STK17A: variants seen among roughly 807,000 people sequenced by gnomAD.
The protein encoded by STK17A is serine/threonine kinase 17a.
STK17A carries 26 observed loss-of-function variants against 43.7 expected under a neutral mutation model. That is an observed-to-expected ratio of 0.60 (90% confidence interval 0.44 to 0.83). The LOEUF (loss-of-function observed/expected upper bound fraction) is 0.83. Among genes scored for constraint, STK17A ranks in the 40% least tolerant of loss-of-function variants. The pLI is 0.00. For missense variants in STK17A, 476 were observed against 511.6 expected, an observed-to-expected ratio of 0.93 and a Z score of 0.67; for synonymous variants, 191 against 182.5, an observed-to-expected ratio of 1.05 and a Z score of -0.38.
chr7:43,623,490 A>C, intron 4 of STK17A, 82 bp from the exon 5 acceptor site: 1 of 1,178,996 alleles, frequency 8.5e-7, no homozygotes, highest in Non-Finnish European at 1.2e-6. Context: ...TATAGTTTCT[A>C]ATGCTTAGTT....
At chr7:43,585,847 A>C (rs1486884702) in intron 1 of STK17A, among the ~76,000 whole-genome samples, 1 of 151,616 alleles carries the variant, frequency 6.6e-6, no homozygotes, top group Non-Finnish European at 1.5e-5. Context: ...TATTATTTTA[A>C]ATGTAACCCA....
At chr7:43,606,514 G>A (rs911483845) in intron 2 of STK17A, among the ~76,000 whole-genome samples, 4 of 152,126 alleles carry the variant, frequency 2.6e-5, no homozygotes, top group Non-Finnish European at 5.9e-5. Flanking sequence ...TTCTGTAAAA[G>A]TAGTTTTTGT....
intron 2 of STK17A, among the ~76,000 whole-genome samples, chr7:43,598,975 G>A (rs550751687): frequency 1.3e-5 from 2 of 152,184 alleles, no homozygotes; most frequent in East Asian, 1.9e-4. Flanking sequence ...ATGTTGGCCA[G>A]GCTGGTTTCG....
chr7:43,623,361 A>G (rs543366099), intron 4 of STK17A: 6 of 527,900 alleles, frequency 1.1e-5, no homozygotes, highest in South Asian at 1.0e-4. Flanking sequence ...GGACTCAACA[A>G]TGGTGGGTAG....
chr7:43,598,400 G>A (rs1426550426), intron 2 of STK17A, among the ~76,000 whole-genome samples: 1 of 151,366 alleles, frequency 6.6e-6, no homozygotes, highest in African/African-American at 2.4e-5. Context: ...AACCTGGGAG[G>A]TGGAGCTTGC....
rs945496223 is a variant in STK17A at position 43,618,351 on chromosome 7, G to A, written c.565-1246G>A. The stretch of plus-strand genomic sequence containing the variant: ...GGCAGAAAAGGGGAGAGGGCGTCCT[G>A]AACAAAGGCAGTACGTGTGTAAAGG... On this transcript the variant is annotated intron_variant, in intron 3 of 6. Coordinates refer to ENST00000319357, the MANE Select transcript of STK17A (RefSeq NM_004760.3). 3.9e-5 allele frequency among the ~76,000 whole-genome samples: 6 copies of A among 152,290 alleles called. No individual in the cohort carries two copies. The East Asian group carries it at 1.2e-3, about 29-fold the overall frequency.
In STK17A at chr7:43,624,515, C is replaced by T. The variant is rs919671664; in HGVS notation, c.921-3C>T. ...CTTAACTGTAAAACATGTATCTTTA[C>T]AGAGATCGAGCCACTGCTGAAGAAT... On this transcript the variant is annotated splice_region_variant and splice_polypyrimidine_tract_variant and intron_variant, in intron 6 of 6. Coordinates refer to ENST00000319357, the MANE Select transcript of STK17A (RefSeq NM_004760.3). 1 of 1,606,702 alleles carries T rather than the reference C, an allele frequency of 6.2e-7. No individual in the cohort carries two copies. Among genetic ancestry groups the T allele is most frequent in the Non-Finnish European group, 8.5e-7 (1 of 1,176,612 alleles).
At chr7:43,595,444 A>C (rs1358787716) in intron 1 of STK17A, among the ~76,000 whole-genome samples, 1 of 151,844 alleles carries the variant, frequency 6.6e-6, no homozygotes, top group East Asian at 1.9e-4. Context: ...ACACCTGGCT[A>C]ATTTTTGTAT....
At chr7:43,611,715 G>A (rs2082896484) in intron 3 of STK17A, among the ~76,000 whole-genome samples, 1 of 152,116 alleles carries the variant, frequency 6.6e-6, no homozygotes, top group African/African-American at 2.4e-5. Context: ...CAAAATAAAT[G>A]TTTATGCTGT....
intron 3 of STK17A, among the ~76,000 whole-genome samples, chr7:43,613,688 A>T (rs377445686): frequency 1.2e-4 from 18 of 152,094 alleles, no homozygotes; most frequent in African/African-American, 3.1e-4. Flanking sequence ...ACAAAAAATT[A>T]AAAAAATCAG....
intron 3 of STK17A, among the ~76,000 whole-genome samples, chr7:43,617,549 T>C (rs973941001): frequency 2.6e-5 from 4 of 152,078 alleles, no homozygotes; most frequent in Non-Finnish European, 5.9e-5. Context: ...GGGATGATCA[T>C]AGCATTCACT....
rs751758775 is a variant in STK17A, at chr7:43,624,782, C to T, written c.1185C>T (p.Ser395=). 1 of 1,611,870 alleles carries T rather than the reference C, an allele frequency of 6.2e-7. No homozygotes were observed. The highest frequency in any genetic ancestry group is 8.5e-7 in the Non-Finnish European group (1 of 1,178,862). Residue 395 remains serine (S), a synonymous_variant, in exon 7 of 7, where the codon TCC becomes TCT. Transcript: ENST00000319357. The part of the protein sequence containing the change: ...EKEKMEQKAI[S]KRFKFEEPLL... ...AGAAAATGGAGCAAAAGGCCATTTC[C>T]AAACGATTTAAATTTGAGGAACCTT...
At chr7:43,614,295 C>G (rs1468616175) in intron 3 of STK17A, among the ~76,000 whole-genome samples, 3 of 152,144 alleles carry the variant, frequency 2.0e-5, no homozygotes, top group Non-Finnish European at 4.4e-5. Flanking sequence ...CTGCCTATTC[C>G]ACTGTTATCA....
chr7:43,610,763 T>C (rs1306956651), intron 3 of STK17A, among the ~76,000 whole-genome samples: 1 of 152,142 alleles, frequency 6.6e-6, no homozygotes, highest in East Asian at 1.9e-4. Flanking sequence ...CATATATGTA[T>C]ATATTTAATA....
At chr7:43,611,777 T>C (rs1480710721) in intron 3 of STK17A, among the ~76,000 whole-genome samples, 16 of 152,216 alleles carry the variant, frequency 1.1e-4, no homozygotes, top group Admixed American at 1.0e-3. Context: ...ATCGTGTATC[T>C]GTTTTATTTT....
chr7:43,587,532 G>C (rs895378313), intron 1 of STK17A, among the ~76,000 whole-genome samples: 3 of 151,490 alleles, frequency 2.0e-5, no homozygotes, highest in African/African-American at 7.2e-5. Flanking sequence ...TATTCAAACT[G>C]AAAGGGGACT....
intron 1 of STK17A, among the ~76,000 whole-genome samples, chr7:43,595,151 A>C (rs2082506172): frequency 6.6e-6 from 1 of 152,170 alleles, no homozygotes; most frequent in Admixed American, 6.5e-5. Context: ...TTAAAATGAT[A>C]AATGAGTGAG....
chr7:43,591,090 T>C (rs892062524), intron 1 of STK17A, among the ~76,000 whole-genome samples: 1 of 151,488 alleles, frequency 6.6e-6, no homozygotes, highest in African/African-American at 2.4e-5. Context: ...GATGAAGGCA[T>C]GCATGCTTCC....
intron 3 of STK17A, among the ~76,000 whole-genome samples, chr7:43,615,234 G>T (rs191802362): frequency 3.9e-5 from 6 of 152,278 alleles, no homozygotes; most frequent in Middle Eastern, 3.4e-3. Context: ...GGAGTGCAGT[G>T]GCACTATCTC....
Sources: allele counts gnomAD v4.1 joint callset (sites outside exome capture counted in the v4.1 genomes callset), GRCh38; gene constraint gnomAD v4.1.1; transcripts MANE v1.5; gene names NCBI Gene and HGNC (gene_info 2026-07-23, HGNC 2026-07-21).